Variants in ANKRD44 observed in about 807,000 individuals in gnomAD.
ANKRD44 encodes the protein serine/threonine-protein phosphatase 6 regulatory ankyrin repeat subunit B.
A neutral mutation model predicts 116.0 loss-of-function variants in ANKRD44; 35 were observed. The observed-to-expected ratio is 0.30, with a 90% confidence interval of 0.23 to 0.40. The LOEUF is 0.40. Among genes scored for constraint, ANKRD44 ranks in the 10% least tolerant of loss-of-function variants. The pLI, the probability that ANKRD44 is intolerant of heterozygous loss-of-function variation, is 1.00. For synonymous variants in ANKRD44, 435 were observed against 461.8 expected, an observed-to-expected ratio of 0.94 and a Z score of 0.74; for missense variants, 1,014 against 1,242.6, an observed-to-expected ratio of 0.82 and a Z score of 2.77.
chr2:197,019,945 C>T (rs981679407), intron 17 of ANKRD44, among the ~76,000 whole-genome samples: 12 of 151,908 alleles, frequency 7.9e-5, no homozygotes, highest in African/African-American at 2.4e-4. Context: ...TACAGGTGCA[C>T]GCCACCATGC....
intron 1 of ANKRD44, among the ~76,000 whole-genome samples, chr2:197,268,803 G>A (rs1171359519): frequency 6.6e-6 from 1 of 152,168 alleles, no homozygotes; most frequent in African/African-American, 2.4e-5. Flanking sequence ...GCAGAACTGG[G>A]AATCCATCAG....
intron 8 of ANKRD44, among the ~76,000 whole-genome samples, chr2:197,117,330 C>T (rs1438425879): frequency 6.6e-6 from 1 of 152,182 alleles, no homozygotes. Context: ...ACCTACGCCT[C>T]TCAGATTCAA....
chr2:196,996,802 G>A (rs1173751370), intron 25 of ANKRD44, among the ~76,000 whole-genome samples: 1 of 151,264 alleles, frequency 6.6e-6, no homozygotes, highest in Non-Finnish European at 1.5e-5. Flanking sequence ...TACTCGGGTG[G>A]CTGAGGCAGG....
At chr2:197,273,973 AAAAAAAAATATATATATATATATAT>A (rs1559208009) in intron 1 of ANKRD44, among the ~76,000 whole-genome samples, 7 of 62,458 alleles carry the variant, frequency 1.1e-4, no homozygotes, top group Admixed American at 5.4e-4. Flanking sequence ...AAAAAAAAAA[AAAAAAAAATATATATATATATATAT>A]ATATATATAT....
At chr2:197,011,643 T>A (rs896244451) in intron 18 of ANKRD44, among the ~76,000 whole-genome samples, 1 of 151,996 alleles carries the variant, frequency 6.6e-6, no homozygotes, top group Non-Finnish European at 1.5e-5. Flanking sequence ...CAGCTAAGTT[T>A]TGTATTTTTA....
Position 197,086,737 on chromosome 2 carries a change from C to T in ANKRD44, c.1259G>A (p.Cys420Tyr). ...TCCGCTGCTCTGCAAGAGTTTTATA[C>T]ATTCCACATTACTAGAAAGACAGGG... ...HAAAAGGNVE[C>Y]IKLLQSSGAD... is the part of the protein sequence containing the mutation. The change falls in exon 13 of 28, where the codon TGT becomes TAT. Residue 420 changes from cysteine (C) to tyrosine (Y), a missense_variant. Cys to Tyr is a radical substitution (Grantham distance 194, BLOSUM62 -2). Transcript: ENST00000282272. 1.2e-6 allele frequency: 2 copies of T among 1,613,780 alleles called. No individual in the cohort carries two copies. Among genetic ancestry groups the T allele is most frequent in the Non-Finnish European group, 1.7e-6 (2 of 1,179,822 alleles).
At chr2:197,048,373 T>C (rs1302430127) in intron 16 of ANKRD44, among the ~76,000 whole-genome samples, 1 of 152,148 alleles carries the variant, frequency 6.6e-6, no homozygotes, top group Admixed American at 6.6e-5. Context: ...CAGTGTGTGA[T>C]GTTCCCTGCC....
chr2:197,066,771 A>G lies in ANKRD44; in HGVS notation c.1650+11932T>C, dbSNP rs147388920. ...AAGCAGAACTACAAACCACTGCTCA[A>G]TGAAATAAAAAAGGACACAAACAAA... On this transcript the variant is annotated intron_variant, in intron 16 of 27. Transcript: ENST00000282272. 3.6e-3 allele frequency among the ~76,000 whole-genome samples: 549 copies of G among 152,326 alleles called. 5 individuals are homozygous for G. Among genetic ancestry groups the G allele is most frequent in the African/African-American group, 0.013 (531 of 41,556 alleles).
At chr2:197,221,665 T>C (rs2081588754) in intron 1 of ANKRD44, among the ~76,000 whole-genome samples, 1 of 152,222 alleles carries the variant, frequency 6.6e-6, no homozygotes, top group Non-Finnish European at 1.5e-5. Flanking sequence ...ATGCATTATC[T>C]TCACCACCCT....
At chr2:197,168,137 G>A (rs912550027) in intron 2 of ANKRD44, among the ~76,000 whole-genome samples, 1 of 152,148 alleles carries the variant, frequency 6.6e-6, no homozygotes, top group African/African-American at 2.4e-5. Context: ...ACATGTGAGT[G>A]AAGTCACCTC....
chr2:197,024,113 T>G (rs964876002), intron 17 of ANKRD44, among the ~76,000 whole-genome samples: 3 of 152,202 alleles, frequency 2.0e-5, no homozygotes, highest in African/African-American at 7.2e-5. Context: ...TGGCCTTGTC[T>G]CCGCTCTCTT....
rs1056565446 is a variant in ANKRD44 at position 197,039,773 on chromosome 2, G to T, written c.1651-14506C>A. ...AAAAATGAAAGGTCTATGTTAATCA[G>T]CCCTTATCATATCACTCATGGGTAG... On this transcript the variant is annotated intron_variant, in intron 16 of 27. Coordinates refer to ENST00000282272, the MANE Select transcript of ANKRD44 (RefSeq NM_001195144.2). Among the ~76,000 whole-genome samples, 36 of 151,384 alleles carry T rather than the reference G, an allele frequency of 2.4e-4. 1 individual carries two copies. The highest frequency in any genetic ancestry group is 6.6e-4 in the African/African-American group (27 of 41,132).
intron 4 of ANKRD44, among the ~76,000 whole-genome samples, chr2:197,126,892 G>C (rs1175065620): frequency 6.6e-6 from 1 of 152,008 alleles, no homozygotes; most frequent in Non-Finnish European, 1.5e-5. Flanking sequence ...GGCTGAAGTG[G>C]GAGCATCACT....
At chr2:197,242,580 G>A (rs1660579367) in intron 1 of ANKRD44, among the ~76,000 whole-genome samples, 1 of 152,080 alleles carries the variant, frequency 6.6e-6, no homozygotes, top group Non-Finnish European at 1.5e-5. Flanking sequence ...CACCTCTCTA[G>A]GTTCACCTTA....
chr2:196,977,983 GAATA>G (rs2075772361), intron 21 of ANKRD44, among the ~76,000 whole-genome samples: 1 of 152,150 alleles, frequency 6.6e-6, no homozygotes, highest in Non-Finnish European at 1.5e-5. Context: ...ACTGATGAAT[GAATA>G]AACAAAATGT....
chr2:197,096,377 G>A (rs1466252969), intron 10 of ANKRD44, among the ~76,000 whole-genome samples: 1 of 152,158 alleles, frequency 6.6e-6, no homozygotes, highest in Admixed American at 6.5e-5. Flanking sequence ...GAAAAAGAAT[G>A]CATAATTGGT....
intron 1 of ANKRD44, among the ~76,000 whole-genome samples, chr2:197,266,439 G>C (rs2082743499): frequency 6.6e-6 from 1 of 152,072 alleles, no homozygotes; most frequent in African/African-American, 2.4e-5. Flanking sequence ...TCTGCTGTCT[G>C]ACCCAGAAAA....
intron 2 of ANKRD44, among the ~76,000 whole-genome samples, chr2:197,153,654 A>G (rs2712875): frequency 0.91 from 138,749 of 152,248 alleles, 64,412 homozygotes; most frequent in Non-Finnish European, 0.99. Context: ...TCATAAATAC[A>G]CAGAAATACA....
At chr2:197,015,642 T>C (rs1470798059) in intron 17 of ANKRD44, 4 of 557,100 alleles carry the variant, frequency 7.2e-6, no homozygotes, top group Middle Eastern at 6.0e-4. Context: ...GTGGTGAAGG[T>C]GGTGGCAGCA....
Sources: gnomAD v4.1 joint callset for allele counts (sites outside exome capture counted in the v4.1 genomes callset) on GRCh38, gnomAD v4.1.1 for gene constraint, MANE v1.5 for transcripts, NCBI Gene and HGNC (gene_info 2026-07-23, HGNC 2026-07-21) for gene names.